Variants in ARPP21 observed in about 807,000 individuals in gnomAD.
ARPP21 encodes the protein cAMP-regulated phosphoprotein 21.
Under a neutral mutation model 113.2 loss-of-function variants are expected in ARPP21, and 69 were observed. The observed-to-expected ratio is 0.61, with a 90% CI of 0.50 to 0.74. The LOEUF (loss-of-function observed/expected upper bound fraction) is 0.74, where lower values mean the gene tolerates loss of function less well. ARPP21 is among the 30% of genes least tolerant of loss of function. The pLI, the probability that ARPP21 is intolerant of heterozygous loss-of-function variation, is 0.00. For missense variants in ARPP21, 1,070 were observed against 1,037.4 expected, an observed-to-expected ratio of 1.03 and a Z score of -0.43; for synonymous variants, 368 against 375.5, an observed-to-expected ratio of 0.98 and a Z score of 0.23.
intron 19 of ARPP21, among the ~76,000 whole-genome samples, chr3:35,785,836 T>C (rs1413246107): frequency 1.3e-5 from 2 of 152,134 alleles, no homozygotes; most frequent in Non-Finnish European, 2.9e-5. Context: ...GACAGGCCAT[T>C]ACTAGGATGA....
At chr3:35,730,138 A>C (rs1006441058) in intron 15 of ARPP21, among the ~76,000 whole-genome samples, 59 of 152,196 alleles carry the variant, frequency 3.9e-4, no homozygotes, top group Admixed American at 1.9e-3. Flanking sequence ...GGGGTTTAGA[A>C]AATTGTTCAT....
intron 1 of ARPP21, among the ~76,000 whole-genome samples, chr3:35,675,239 G>A (rs2077195689): frequency 6.7e-6 from 1 of 149,522 alleles, no homozygotes; most frequent in South Asian, 2.1e-4. Context: ...ATAGAATGAT[G>A]TTGGAAATGT....
chr3:35,688,240 A>G (rs2081189352), intron 6 of ARPP21, among the ~76,000 whole-genome samples: 1 of 151,550 alleles, frequency 6.6e-6, no homozygotes, highest in African/African-American at 2.4e-5. Context: ...CAAGTTTGAT[A>G]TCTTAACTCT....
At chr3:35,759,233 T>G (rs915899960) in intron 19 of ARPP21, among the ~76,000 whole-genome samples, 76 of 152,160 alleles carry the variant, frequency 5.0e-4, no homozygotes, top group African/African-American at 1.8e-3. Flanking sequence ...TTCAGCAATA[T>G]GGAGATCAAT....
At chr3:35,644,945 A>G (rs987228519) in intron 1 of ARPP21, among the ~76,000 whole-genome samples, 4 of 151,940 alleles carry the variant, frequency 2.6e-5, no homozygotes, top group Non-Finnish European at 5.9e-5. Flanking sequence ...AGATTTTTGT[A>G]TACGTTTTGT....
chr3:35,735,993 G>A (rs112972900), intron 15 of ARPP21, among the ~76,000 whole-genome samples: 4 of 151,608 alleles, frequency 2.6e-5, no homozygotes, highest in South Asian at 2.1e-4. Flanking sequence ...TTTTTTCATC[G>A]TTACCCAGTT....
At chr3:35,673,911 A>G (rs1222364456) in intron 1 of ARPP21, among the ~76,000 whole-genome samples, 1 of 151,972 alleles carries the variant, frequency 6.6e-6, no homozygotes, top group Admixed American at 6.6e-5. Flanking sequence ...TCCCCCATTT[A>G]TAAAAAATGC....
intron 19 of ARPP21, among the ~76,000 whole-genome samples, chr3:35,765,820 T>C (rs1362506717): frequency 2.0e-5 from 3 of 152,170 alleles, no homozygotes; most frequent in Non-Finnish European, 4.4e-5. Flanking sequence ...ATTTCCTGAG[T>C]TAAAATTTCT....
intron 19 of ARPP21, among the ~76,000 whole-genome samples, chr3:35,771,299 G>A (rs938855624): frequency 6.6e-6 from 1 of 151,736 alleles, no homozygotes; most frequent in Non-Finnish European, 1.5e-5. Context: ...AGAAGTTTAT[G>A]TGAAGTATCA....
At chr3:35,751,480 T>C (rs776383233) in intron 19 of ARPP21, among the ~76,000 whole-genome samples, 4 of 152,114 alleles carry the variant, frequency 2.6e-5, no homozygotes, top group Non-Finnish European at 4.4e-5. Context: ...AAGTAAGCGA[T>C]ACTCCAATCT....
In ARPP21 at chr3:35,664,851, G is replaced by T. The variant is rs999721033; in HGVS notation, c.-212-14936G>T. ...CTGCTCTGTTCTCTGAGCTGGAACC[G>T]ACTCCAGGCTGCTATGTGGCCTGAT... On this transcript the variant is annotated intron_variant, in intron 1 of 20. Coordinates refer to ENST00000684406, the MANE Select transcript of ARPP21 (RefSeq NM_001385562.1). Among the ~76,000 whole-genome samples the T allele has an allele frequency of 7.3e-5, 11 of 151,662 alleles. No homozygotes were observed. The South Asian group carries it at 1.0e-3, about 14-fold the overall frequency.
intron 14 of ARPP21, among the ~76,000 whole-genome samples, chr3:35,725,914 C>G (rs11710519): frequency 0.35 from 53,321 of 152,050 alleles, 10,750 homozygotes; most frequent in East Asian, 0.72. Flanking sequence ...CCCTGGCCCC[C>G]GTCTGTGCCT....
intron 5 of ARPP21, chr3:35,684,733 A>T: frequency 6.1e-6 from 6 of 984,550 alleles, no homozygotes; most frequent in Non-Finnish European, 7.2e-6. Flanking sequence ...GGAAACAGAG[A>T]GCATTGAGAG....
Position 35,690,858 on chromosome 3 carries a change from G to A in ARPP21, c.546-7G>A, listed in dbSNP as rs779611113. 2.5e-6 allele frequency: 4 copies of A among 1,597,952 alleles called. No homozygotes were observed. Among genetic ancestry groups the A allele is most frequent in the East Asian group, 4.5e-5 (2 of 44,476 alleles). On this transcript the variant is annotated splice_polypyrimidine_tract_variant and splice_region_variant and intron_variant, in intron 8 of 20. Coordinates refer to ENST00000684406, the MANE Select transcript of ARPP21 (RefSeq NM_001385562.1). Reference sequence around the variant, plus strand: ...CTGATTCCACTTTTTCTTGAATTATGTTCTAGTAATCATTATAAAAAGTTC... The same window carrying A: ...CTGATTCCACTTTTTCTTGAATTATATTCTAGTAATCATTATAAAAAGTTC...
rs745798080 is a variant in ARPP21, at chr3:35,687,757, C to A, written c.280C>A (p.Leu94Ile). Residue 94 changes from leucine (L) to isoleucine (I), a missense_variant, in exon 6 of 21, where the codon CTT (leucine) becomes ATT (isoleucine). By Grantham distance (5) the Leu-to-Ile change is conservative. Transcript: ENST00000684406. Reference protein sequence around the residue: ...LQDQESIHLQLSSFSSLQEED... With the variant: ...LQDQESIHLQISSFSSLQEED... ...CCAACAGGAATCAATTCATTTACAG[C>A]TTTCCAGTTTTTCCAGCCTGCAAGA... The A allele has an allele frequency of 3.1e-6, 5 of 1,602,354 alleles. No homozygotes were observed. The Admixed American group carries it at 8.6e-5, about 28-fold the overall frequency.
chr3:35,661,393 AAAAGAGAT>A (rs906462536), intron 1 of ARPP21, among the ~76,000 whole-genome samples: 5 of 66,422 alleles, frequency 7.5e-5, no homozygotes, highest in Non-Finnish European at 1.6e-4. Context: ...CAAAAAGAGG[AAAAGAGAT>A]AAAGTGACTC....
chr3:35,697,358 A>G (rs1359255800), intron 9 of ARPP21, among the ~76,000 whole-genome samples: 1 of 151,616 alleles, frequency 6.6e-6, no homozygotes, highest in Non-Finnish European at 1.5e-5. Flanking sequence ...GCCCAAGGAC[A>G]TATCCAGTGA....
At chr3:35,784,504 A>C (rs549950519) in intron 19 of ARPP21, among the ~76,000 whole-genome samples, 1 of 152,346 alleles carries the variant, frequency 6.6e-6, no homozygotes, top group African/African-American at 2.4e-5. Context: ...TATGTCCATC[A>C]ACCATGTGAT....
chr3:35,684,053 A>C, intron 5 of ARPP21: 1 of 1,598,800 alleles, frequency 6.3e-7, no homozygotes, highest in Non-Finnish European at 8.5e-7. Flanking sequence ...AAAGGAATTC[A>C]AAAGAATTTA....
Sources: gnomAD v4.1 joint callset for allele counts (sites outside exome capture counted in the v4.1 genomes callset) on GRCh38, gnomAD v4.1.1 for gene constraint, MANE v1.5 for transcripts, NCBI Gene and HGNC (gene_info 2026-07-23, HGNC 2026-07-21) for gene names.